PPP2R2B: variants seen among roughly 807,000 people sequenced by gnomAD.
The protein encoded by PPP2R2B is protein phosphatase 2 regulatory subunit Bbeta.
Under a neutral mutation model 46.0 loss-of-function variants are expected in PPP2R2B, and 5 were observed. The observed-to-expected ratio is 0.11, with a 90% CI of 0.06 to 0.23. The LOEUF (loss-of-function observed/expected upper bound fraction) is 0.23. Among genes scored for constraint, PPP2R2B ranks in the 10% least tolerant of loss-of-function variants. The probability of loss-of-function intolerance (pLI) is 1.00; values close to 1 mark genes in which losing one functional copy is unlikely to be tolerated. For missense variants in PPP2R2B, 367 were observed against 575.0 expected (o/e 0.64, Z 3.70); for synonymous variants, 215 against 206.7 (o/e 1.04, Z -0.34).
intron 2 of PPP2R2B, among the ~76,000 whole-genome samples, chr5:147,076,473 G>A (rs867788122): frequency 7.9e-5 from 12 of 152,044 alleles, no homozygotes; most frequent in Admixed American, 1.3e-4. Flanking sequence ...TGGGTTGTAG[G>A]TTTATGAATG....
chr5:147,077,787 A>G lies in PPP2R2B; in HGVS notation c.50+3272T>C, dbSNP rs78617387. On this transcript the variant is annotated intron_variant, in intron 2 of 10. Transcript: ENST00000394413. ...ATTTTAAAGTGCACTTTCCAAACAA[A>G]ATAGGGATTGTCATTTTGATCCTGA... Among the ~76,000 whole-genome samples the G allele has an allele frequency of 9.1e-3, 1,389 of 152,232 alleles. 15 individuals carry two copies. The highest frequency in any genetic ancestry group is 0.015 in the Admixed American group (236 of 15,286).
chr5:146,877,674 A>C (rs1443060471), intron 2 of PPP2R2B, among the ~76,000 whole-genome samples: 2 of 152,072 alleles, frequency 1.3e-5, no homozygotes, highest in African/African-American at 4.8e-5. Flanking sequence ...TCTCCCCCCA[A>C]GACCCCTGCG....
At chr5:146,971,464 TTTACCTTGAAAGAATG>T (rs1360889937) in intron 1 of PPP2R2B, among the ~76,000 whole-genome samples, 1 of 152,180 alleles carries the variant, frequency 6.6e-6, no homozygotes, top group Non-Finnish European at 1.5e-5. Flanking sequence ...AATTGCAAAT[TTTACCTTGAAAGAATG>T]CGCCACAATT....
intron 1 of PPP2R2B, among the ~76,000 whole-genome samples, chr5:146,966,761 T>C (rs967930137): frequency 6.6e-6 from 1 of 152,078 alleles, no homozygotes; most frequent in African/African-American, 2.4e-5. Flanking sequence ...AAAAAATCAA[T>C]GACAATGCCA....
intron 5 of PPP2R2B, among the ~76,000 whole-genome samples, chr5:146,676,048 T>C (rs1050440260): frequency 3.3e-5 from 5 of 152,000 alleles, no homozygotes; most frequent in Admixed American, 6.6e-5. Flanking sequence ...CGCCTTGATA[T>C]TGGAGAAACC....
At chr5:147,030,728 G>T (rs1035759152) in intron 1 of PPP2R2B, among the ~76,000 whole-genome samples, 4 of 151,946 alleles carry the variant, frequency 2.6e-5, no homozygotes, top group Non-Finnish European at 4.4e-5. Flanking sequence ...CTACTTCCCC[G>T]AAAGTCTAAG....
chr5:146,752,200 G>C (rs1176518718), intron 2 of PPP2R2B, among the ~76,000 whole-genome samples: 1 of 152,110 alleles, frequency 6.6e-6, no homozygotes, highest in East Asian at 1.9e-4. Context: ...CGCTGTCAAG[G>C]TAGAGATACT....
intron 2 of PPP2R2B, among the ~76,000 whole-genome samples, chr5:147,079,417 AC>A: frequency 7.7e-6 from 1 of 130,024 alleles, no homozygotes; most frequent in Non-Finnish European, 1.6e-5. Context: ...TAATATACAC[AC>A]AAACACACAC....
chr5:147,027,836 G>A (rs561543742), intron 1 of PPP2R2B, among the ~76,000 whole-genome samples: 1 of 152,234 alleles, frequency 6.6e-6, no homozygotes, highest in Admixed American at 6.5e-5. Context: ...TCCCAACAAA[G>A]TTCATTTAAA....
rs1561743338 is a variant in PPP2R2B at position 146,588,228 on chromosome 5, G to GTACT, written c.*1715_*1718dup. ...TCCCATGCTCCCTCAATTCTGAGAC[G>GTACT]TACTTTTTTACATTTTAATGTTCCT... is the stretch of plus-strand genomic sequence containing the variant. On this transcript the variant is annotated 3_prime_UTR_variant, in exon 10 of 10. Coordinates refer to ENST00000394411, the MANE Select transcript of PPP2R2B (RefSeq NM_181675.4). The GTACT allele has an allele frequency of 6.6e-6, 1 of 152,174 alleles. No individual in the cohort carries two copies. The highest frequency in any genetic ancestry group is 1.5e-5 in the Non-Finnish European group (1 of 68,028). 9.4% of individuals were successfully genotyped at this position (152,174 alleles called of 1,614,324 possible). A position where few individuals can be genotyped will look rare whatever the true frequency, so the allele number is the denominator to read the frequency against.
intron 7 of PPP2R2B, among the ~76,000 whole-genome samples, chr5:146,627,157 C>CTG (rs1774121030): frequency 6.6e-6 from 1 of 152,096 alleles, no homozygotes; most frequent in African/African-American, 2.4e-5. Context: ...AAGTGTGTGT[C>CTG]TGTGTGTGTG....
intron 1 of PPP2R2B, chr5:146,919,626 G>C (rs1763521111): frequency 6.6e-6 from 1 of 152,190 alleles, no homozygotes; most frequent in Non-Finnish European, 1.5e-5. Flanking sequence ...CACTTCTGTG[G>C]GGCAGCAGAT....
chr5:146,863,748 T>TA lies in PPP2R2B; in HGVS notation c.70+14253dup, dbSNP rs1287502002. Among the ~76,000 whole-genome samples the TA allele has an allele frequency of 8.5e-5, 13 of 152,242 alleles. No homozygotes were observed. In the East Asian group the frequency reaches 1.4e-3, roughly 16 times the overall value. On this transcript the variant is annotated intron_variant, in intron 2 of 9. Coordinates refer to ENST00000394411, the MANE Select transcript of PPP2R2B (RefSeq NM_181675.4). Reference sequence around the variant, plus strand: ...AAATATTGTATAAACTTTTTTAAATTAAAAAAATGCCTCAAAGAGCTTAAT... The same window carrying TA: ...AAATATTGTATAAACTTTTTTAAATTAAAAAAAATGCCTCAAAGAGCTTAAT...
chr5:146,985,967 A>G (rs1478346533), intron 1 of PPP2R2B, among the ~76,000 whole-genome samples: 1 of 152,218 alleles, frequency 6.6e-6, no homozygotes, highest in Non-Finnish European at 1.5e-5. Context: ...GTAGAGCAAG[A>G]TGGCATAATA....
At chr5:146,953,202 A>T (rs921505681) in intron 1 of PPP2R2B, among the ~76,000 whole-genome samples, 8 of 152,208 alleles carry the variant, frequency 5.3e-5, no homozygotes, top group African/African-American at 1.9e-4. Context: ...TAAATCTGCA[A>T]CATGGCTTCT....
Position 147,055,625 on chromosome 5 carries a change from T to A in PPP2R2B, c.79+40A>T, listed in dbSNP as rs531843233. 1.7e-4 allele frequency: 264 copies of A among 1,560,784 alleles called. 7 individuals carry two copies. The South Asian group carries it at 2.7e-3, about 16-fold the overall frequency. On this transcript the variant is annotated intron_variant, in intron 1 of 8. Transcript: ENST00000336640. Reference sequence around the variant, plus strand: ...GTGGGAAGTCAGACACCAGCCCACTTTTCCCACCCACCCAGACACTCTCCC... The same window carrying A: ...GTGGGAAGTCAGACACCAGCCCACTATTCCCACCCACCCAGACACTCTCCC...
intron 1 of PPP2R2B, among the ~76,000 whole-genome samples, chr5:147,043,922 C>T (rs1168636867): frequency 2.0e-5 from 3 of 152,002 alleles, no homozygotes; most frequent in African/African-American, 7.2e-5. Context: ...GTCCAAATCC[C>T]ACCTCTCCTG....
chr5:146,938,091 T>C (rs779368463), intron 1 of PPP2R2B, among the ~76,000 whole-genome samples: 2 of 152,182 alleles, frequency 1.3e-5, no homozygotes, highest in Non-Finnish European at 2.9e-5. Context: ...AACGTAAAAT[T>C]GCTTAGATTG....
At chr5:147,050,838 G>A (rs1034511687) in intron 1 of PPP2R2B, among the ~76,000 whole-genome samples, 3 of 152,062 alleles carry the variant, frequency 2.0e-5, no homozygotes, top group African/African-American at 7.2e-5. Flanking sequence ...CTGTGTGTGT[G>A]TGTGTAGATT....
Sources: gnomAD v4.1 joint callset for allele counts (sites outside exome capture counted in the v4.1 genomes callset) on GRCh38, gnomAD v4.1.1 for gene constraint, MANE v1.5 for transcripts, NCBI Gene and HGNC (gene_info 2026-07-23, HGNC 2026-07-21) for gene names.